Variants in INO80 observed in about 807,000 individuals in gnomAD.
The protein encoded by INO80 is chromatin-remodeling ATPase INO80.
INO80 carries 20 observed loss-of-function variants against 203.4 expected under a neutral mutation model. That is an observed-to-expected ratio of 0.10 (90% CI 0.07 to 0.14). INO80 has a LOEUF of 0.14. Ranked by LOEUF, INO80 falls within the 10% of genes least tolerant of loss-of-function variation. INO80 has a pLI of 1.00. For missense variants in INO80, 1,419 were observed against 1,914.4 expected (o/e 0.74, Z 4.83); for synonymous variants, 726 against 685.2 (o/e 1.06, Z -0.93).
At chr15:41,074,283 T>TA (rs1484308390) in intron 10 of INO80, 87 bp downstream of exon 10, 3 of 896,230 alleles carry the variant, frequency 3.3e-6, no homozygotes, top group Non-Finnish European at 4.9e-6. Context: ...TATGAATCAA[T>TA]AAAAAATTCG....
In INO80 at chr15:40,984,113, C is replaced by T. The variant is rs1377507510; in HGVS notation, c.4077+84G>A. 6.1e-6 allele frequency: 9 copies of T among 1,471,424 alleles called. No individual in the cohort carries two copies. The East Asian group carries it at 1.7e-4, about 27-fold the overall frequency. 91.1% of individuals were successfully genotyped at this position (1,471,424 alleles called of 1,614,324 possible). On this transcript the variant is annotated intron_variant, in intron 33 of 35. Transcript: ENST00000648947. ...CAAGGCTGGAGAACTCCAGGAGAAG[C>T]AAAGACTGCCCAGCAGTGTGTCCCT...
intron 27 of INO80, among the ~76,000 whole-genome samples, chr15:41,007,182 CTTTTTTT>C (rs11330780): frequency 8.4e-6 from 1 of 119,312 alleles, no homozygotes; most frequent in Non-Finnish European, 1.7e-5. Flanking sequence ...TTTTTTTTTT[CTTTTTTT>C]TTTTTTTTTT....
At chr15:41,014,728 T>G (rs565105981) in intron 27 of INO80, among the ~76,000 whole-genome samples, 1 of 152,282 alleles carries the variant, frequency 6.6e-6, no homozygotes, top group South Asian at 2.1e-4. Context: ...CTAAAAGAAG[T>G]TGCCGGATTA....
chr15:41,019,943 C>T (rs550720455), intron 26 of INO80, among the ~76,000 whole-genome samples: 6 of 152,284 alleles, frequency 3.9e-5, no homozygotes, highest in East Asian at 1.9e-4. Flanking sequence ...TATAGTTGGC[C>T]GGGCGCGGTG....
At position 40,985,434 on chromosome 15, in the gene INO80, G is replaced by A. The variant is rs757792569; in HGVS notation, c.3833-8C>T. On this transcript the variant is annotated splice_region_variant and splice_polypyrimidine_tract_variant and intron_variant, in intron 31 of 35. Transcript: ENST00000648947. ...CTTCCTGCCGCAGCCTCACTATCAA[G>A]AAAATGAATTAAGACCTGATGAAGT... The A allele has an allele frequency of 6.2e-7, 1 of 1,607,382 alleles. No individual in the cohort carries two copies. The highest frequency in any genetic ancestry group is 1.7e-5 in the Admixed American group (1 of 59,970).
At chr15:41,076,097 A>G (rs986231187) in intron 9 of INO80, among the ~76,000 whole-genome samples, 1 of 152,018 alleles carries the variant, frequency 6.6e-6, no homozygotes, top group Non-Finnish European at 1.5e-5. Context: ...ATGGTAGCTC[A>G]TGCCTATAAT....
chr15:41,079,641 C>A, intron 9 of INO80, 60 bp downstream of exon 9: 1 of 1,419,732 alleles, frequency 7.0e-7, no homozygotes. Context: ...AAAATGCAAA[C>A]GAATCTCTTC....
intron 1 of INO80, among the ~76,000 whole-genome samples, chr15:41,098,472 C>G (rs1056502897): frequency 1.3e-5 from 2 of 151,814 alleles, no homozygotes; most frequent in African/African-American, 4.8e-5. Context: ...CCCAGGAAAA[C>G]AAGATCAACC....
chr15:41,047,267 C>T, intron 23 of INO80, 141 bp downstream of exon 23: 1 of 676,440 alleles, frequency 1.5e-6, no homozygotes, highest in Non-Finnish European at 2.5e-6. Context: ...GCCCAGCCTA[C>T]AAACTTTATT....
At chr15:41,074,333 G>T in intron 10 of INO80, 37 bp downstream of exon 10, 1 of 1,468,384 alleles carries the variant, frequency 6.8e-7, no homozygotes, top group Non-Finnish European at 9.2e-7. Flanking sequence ...TAAAAAATAA[G>T]AGGTAGCCTT....
Position 41,071,858 on chromosome 15 carries a change from T to C in INO80, c.1596A>G (p.Leu532=), listed in dbSNP as rs773643363. 1.2e-5 allele frequency: 20 copies of C among 1,613,022 alleles called. No homozygotes were observed. Among genetic ancestry groups the C allele is most frequent in the African/African-American group, 5.3e-5 (4 of 74,886 alleles). The change falls in exon 12 of 36, where the codon CTA becomes CTG. Residue 532 remains leucine (L), a synonymous_variant. Transcript: ENST00000648947. The part of the protein sequence containing the change: ...QLKGMNWLAN[L]YEQGINGILA... ...CGGTTCTAAAATTCACCTGTTCATA[T>C]AGATTGGCCAACCAATTCATGCCTT...
rs553256969 is a variant in INO80 at position 40,980,536 on chromosome 15, G to C, written c.4454-96C>G. ...GGTTACCAGAGTCTGAGCTGGAGGA[G>C]AAGTGGTGGGCAATTCCTCCCTGCC... On this transcript the variant is annotated intron_variant, in intron 35 of 35. Transcript: ENST00000648947. 27 of 864,860 alleles carry C rather than the reference G, an allele frequency of 3.1e-5. No individual in the cohort carries two copies. In the South Asian group the frequency reaches 4.0e-4, roughly 13 times the overall value. The allele number at this position is 864,860 out of a possible 1,614,324, so 53.6% of individuals were successfully genotyped here. A position where few individuals can be genotyped will look rare whatever the true frequency, so the allele number is the denominator to read the frequency against.
chr15:41,090,627 C>T lies in INO80; in HGVS notation c.537+1400G>A, dbSNP rs540524621. Among the ~76,000 whole-genome samples the T allele has an allele frequency of 1.7e-3, 251 of 151,986 alleles. 1 individual carries two copies. Among genetic ancestry groups the T allele is most frequent in the Non-Finnish European group, 2.9e-3 (196 of 67,982 alleles). On this transcript the variant is annotated intron_variant, in intron 5 of 35. Coordinates refer to ENST00000648947, the MANE Select transcript of INO80 (RefSeq NM_017553.3). ...ATTGGTGGTTGTCTGGACTGAGGGA[C>T]AGAAAGAATGAGGGGCAACAGCTAA... is the stretch of plus-strand genomic sequence containing the variant.
chr15:41,050,173 GA>G, intron 19 of INO80, 71 bp from the exon 20 acceptor site: 1 of 1,004,140 alleles, frequency 1.0e-6, no homozygotes, highest in South Asian at 1.5e-5. Flanking sequence ...GCTTAAAGTT[GA>G]AAACACACAC....
At position 41,036,170 on chromosome 15, in the gene INO80, A is replaced by C. The variant is rs911019895; in HGVS notation, c.2908-8434T>G. On this transcript the variant is annotated intron_variant, in intron 24 of 35. Coordinates refer to ENST00000648947, the MANE Select transcript of INO80 (RefSeq NM_017553.3). ...AACTCTCTCTCGAAAAAAAAAAAAA[A>C]AAAAAAAAAAAAAAACCCAAAAAAA... 1.1e-4 allele frequency among the ~76,000 whole-genome samples: 17 copies of C among 149,650 alleles called. 1 individual carries two copies. Among genetic ancestry groups the C allele is most frequent in the African/African-American group, 3.9e-4 (16 of 40,920 alleles).
chr15:41,054,167 A>G (rs1173043668), intron 18 of INO80, among the ~76,000 whole-genome samples, 153 bp from the exon 19 acceptor site: 5 of 152,252 alleles, frequency 3.3e-5, no homozygotes, highest in African/African-American at 1.2e-4. Context: ...CCAAGTAGGA[A>G]AGCAAGGAAT....
Position 41,071,992 on chromosome 15 carries a change from C to T in INO80, c.1462G>A (p.Gly488Ser), listed in dbSNP as rs751653185. 5.1e-5 allele frequency: 82 copies of T among 1,612,934 alleles called. 1 individual carries two copies. The East Asian group carries it at 1.8e-3, about 35-fold the overall frequency. The change falls in exon 12 of 36, where the codon GGC becomes AGC. Residue 488 changes from glycine to serine, a missense_variant. Physicochemically the swap from Gly to Ser is moderately conservative, Grantham distance 56 (BLOSUM62 0). Around this residue, in one of 9 missense-constraint regions of INO80, gnomAD observed 116 missense variants for 119.5 expected, o/e 0.97. Transcript: ENST00000648947. ...CTATAACTCTCCCCAAACCCAGTGC[C>T]AGACTTGTTTGCTGCCCGTAGGGCA... ...AAALRAANKS[G>S]TGFGESYSLA...
At chr15:40,988,646 GAGGT>G (rs2043774188) in intron 29 of INO80, among the ~76,000 whole-genome samples, 1 of 152,158 alleles carries the variant, frequency 6.6e-6, no homozygotes, top group African/African-American at 2.4e-5. Context: ...TTGGGAAGCT[GAGGT>G]AGGTAGATCA....
chr15:41,055,355 G>A lies in INO80; in HGVS notation c.2080C>T (p.Leu694=), dbSNP rs780228085. ...IQNTMAELWA[L]LHFIMPTLFD... Reference sequence around the variant, plus strand: ...AATGTTGGCATAATGAAATGCAGCAGAGCCCAAAGCTGTAAACAAAGACAA... The same window carrying A: ...AATGTTGGCATAATGAAATGCAGCAAAGCCCAAAGCTGTAAACAAAGACAA... Residue 694 remains leucine, a synonymous_variant, in exon 18 of 36, where the codon CTG becomes TTG. Transcript: ENST00000648947. The A allele has an allele frequency of 1.2e-6, 2 of 1,608,022 alleles. No individual in the cohort carries two copies. The highest frequency in any genetic ancestry group is 1.7e-6 in the Non-Finnish European group (2 of 1,176,064).
Sources: allele counts gnomAD v4.1 joint callset (sites outside exome capture counted in the v4.1 genomes callset), GRCh38; gene constraint gnomAD v4.1.1; regional missense constraint gnomAD v4.1.1; transcripts MANE v1.5; gene names NCBI Gene and HGNC (gene_info 2026-07-23, HGNC 2026-07-21).